The following SLC5A10 variants were observed in gnomAD, a reference collection of about 807,000 sequenced individuals.
SLC5A10 encodes sodium/mannose cotransporter SLC5A10.
A neutral mutation model predicts 68.9 loss-of-function variants in SLC5A10; 55 were observed. The ratio of observed to expected loss-of-function variants is 0.80; its 90% CI spans 0.64 to 1.00. The LOEUF is 1.00. SLC5A10 is among the 50% of genes least tolerant of loss of function. SLC5A10 has a pLI of 0.00. For missense variants in SLC5A10, 732 were observed against 819.3 expected, an observed-to-expected ratio of 0.89 and a Z score of 1.30; for synonymous variants, 344 against 344.8, an observed-to-expected ratio of 1.00 and a Z score of 0.02.
chr17:18,962,327 AAG>A (rs2042627769), intron 5 of SLC5A10, among the ~76,000 whole-genome samples: 1 of 151,942 alleles, frequency 6.6e-6, no homozygotes, highest in Non-Finnish European at 1.5e-5. Flanking sequence ...GCAAATGACA[AAG>A]AGAGAGGTGG....
rs547117185 is a variant in SLC5A10, at chr17:19,012,383, G to A, written c.983-1027G>A. ...GATCTGGCCTGAGCCTGGGAAATTC[G>A]TGAGTCCTTTCATTCAACAGATGAG... is the stretch of plus-strand genomic sequence containing the variant. On this transcript the variant is annotated intron_variant, in intron 9 of 14. Coordinates refer to ENST00000395645, the MANE Select transcript of SLC5A10 (RefSeq NM_001042450.4). Among the ~76,000 whole-genome samples the A allele has an allele frequency of 2.0e-5, 3 of 152,354 alleles. No individual in the cohort carries two copies. The East Asian group carries it at 5.8e-4, about 29-fold the overall frequency.
intron 5 of SLC5A10, among the ~76,000 whole-genome samples, chr17:18,964,111 C>T (rs1567780181): frequency 6.6e-6 from 1 of 152,200 alleles, no homozygotes; most frequent in Non-Finnish European, 1.5e-5. Flanking sequence ...ATCTTCACCC[C>T]CATCCCCGCA....
At position 18,971,285 on chromosome 17, in the gene SLC5A10, C is replaced by T. The variant is rs753987702; in HGVS notation, c.846+67C>T. 1.3e-5 allele frequency: 21 copies of T among 1,609,274 alleles called. No homozygotes were observed. Among genetic ancestry groups the T allele is most frequent in the East Asian group, 2.2e-5 (1 of 44,802 alleles). On this transcript the variant is annotated intron_variant, in intron 8 of 14. Transcript: ENST00000395645. This position sits in a 1 kb window ranked among gnomAD's most constrained non-coding sequence, Gnocchi z 5.5. ...CCCAGTGGGCTCTGGTAGGCCCAGG[C>T]GGCCTGTCTGCCCTCCGCGTCATGA...
At position 18,971,302 on chromosome 17, in the gene SLC5A10, G is replaced by A. The variant is rs1166657521; in HGVS notation, c.846+84G>A. 1.3e-5 allele frequency: 21 copies of A among 1,608,222 alleles called. No homozygotes were observed. Among genetic ancestry groups the A allele is most frequent in the East Asian group, 4.5e-5 (2 of 44,770 alleles). On this transcript the variant is annotated intron_variant, in intron 8 of 14. Coordinates refer to ENST00000395645, the MANE Select transcript of SLC5A10 (RefSeq NM_001042450.4). The surrounding 1 kb of genome is among the most constrained non-coding windows in gnomAD (Gnocchi z 5.5). The stretch of plus-strand genomic sequence containing the variant: ...GGCCCAGGCGGCCTGTCTGCCCTCC[G>A]CGTCATGAGTCTGGGCTGGGGCCTC...
chr17:18,966,902 G>A (rs1432876008), intron 5 of SLC5A10, among the ~76,000 whole-genome samples: 5 of 152,186 alleles, frequency 3.3e-5, no homozygotes, highest in Non-Finnish European at 7.3e-5. Flanking sequence ...AGGGTGGAGG[G>A]GCTGGGTGGC....
At chr17:18,978,270 G>C in intron 9 of SLC5A10, 2 of 1,609,618 alleles carry the variant, frequency 1.2e-6, no homozygotes, top group Non-Finnish European at 1.7e-6. Context: ...CTGCTGTCCT[G>C]GCTCTGCTTC....
intron 11 of SLC5A10, among the ~76,000 whole-genome samples, chr17:19,015,984 G>A (rs1270522348): frequency 6.6e-6 from 1 of 151,966 alleles, no homozygotes; most frequent in Non-Finnish European, 1.5e-5. Flanking sequence ...TGTACCCAAT[G>A]TGTAGTCTTT....
chr17:19,019,435 G>T lies in SLC5A10; in HGVS notation c.1254G>T (p.Val418=). ...ELLLVGRLVI[V]ALIGVSVAWI... ...CACTCGCCTGCAGGCTGGTCATAGT[G>T]GCACTCATCGGCGTGAGTGTGGCCT... Residue 418 remains valine (V), a synonymous_variant, in exon 12 of 15, where the codon GTG becomes GTT. Transcript: ENST00000395645. 6.2e-7 allele frequency: 1 copy of T among 1,610,630 alleles called. No homozygotes were observed.
intron 9 of SLC5A10, chr17:18,977,946 T>C (rs777664075): frequency 2.5e-6 from 4 of 1,604,760 alleles, no homozygotes; most frequent in Non-Finnish European, 3.4e-6. Context: ...TCCAGCCCAT[T>C]GGGGAGCCCC....
intron 8 of SLC5A10, among the ~76,000 whole-genome samples, chr17:18,973,305 G>A (rs1204235954): frequency 1.3e-5 from 2 of 152,264 alleles, no homozygotes; most frequent in East Asian, 1.9e-4. Flanking sequence ...ACATGTCCTG[G>A]CCTTGGGGTC....
chr17:18,999,193 G>A (rs1457030607), intron 9 of SLC5A10, among the ~76,000 whole-genome samples: 5 of 152,066 alleles, frequency 3.3e-5, no homozygotes, highest in Admixed American at 1.3e-4. Flanking sequence ...CAGGAGAATC[G>A]CTTGAACCCT....
At position 18,971,069 on chromosome 17, in the gene SLC5A10, C is replaced by A. The variant is rs1437044271; in HGVS notation, c.697C>A (p.Pro233Thr). The A allele has an allele frequency of 6.2e-7, 1 of 1,614,104 alleles. No individual in the cohort carries two copies. Among genetic ancestry groups the A allele is most frequent in the Non-Finnish European group, 8.5e-7 (1 of 1,180,034 alleles). Residue 233 changes from proline to threonine, a missense_variant, in exon 8 of 15, where the codon CCC (proline) becomes ACC (threonine). Coordinates refer to ENST00000395645, the MANE Select transcript of SLC5A10 (RefSeq NM_001042450.4). This position sits in a 1 kb window ranked among gnomAD's most constrained non-coding sequence, Gnocchi z 5.5. ...QLEAAYAQAI[P>T]SRTIANTTCH... ...GGAGGCAGCCTACGCCCAGGCCATTCCCTCCAGGACCATTGCCAACACCAC... is the reference window on the plus strand; with the variant it reads ...GGAGGCAGCCTACGCCCAGGCCATTACCTCCAGGACCATTGCCAACACCAC...
intron 1 of SLC5A10, 106 bp downstream of exon 1, chr17:18,952,422 T>A: frequency 7.2e-7 from 1 of 1,384,920 alleles, no homozygotes; most frequent in Non-Finnish European, 9.8e-7. Context: ...TGGTCCCAGC[T>A]GGTGGCCTAG....
Position 19,020,813 on chromosome 17 carries a change from C to T in SLC5A10, c.*382C>T, listed in dbSNP as rs2044251990. The T allele has an allele frequency of 2.3e-5, 5 of 213,296 alleles. No individual in the cohort carries two copies. The South Asian group carries it at 4.1e-4, about 18-fold the overall frequency. The allele number at this position is 213,296 out of a possible 1,614,324, so 13.2% of individuals were successfully genotyped here. A position where few individuals can be genotyped will look rare whatever the true frequency, so the allele number is the denominator to read the frequency against. On this transcript the variant is annotated 3_prime_UTR_variant, in exon 15 of 15. Coordinates refer to ENST00000395645, the MANE Select transcript of SLC5A10 (RefSeq NM_001042450.4). ...GGATGGAGGAAGAGCCCCACATGCCCAGAGCAAGGCCCCCCATTAAGGGAC... is the reference window on the plus strand; with the variant it reads ...GGATGGAGGAAGAGCCCCACATGCCTAGAGCAAGGCCCCCCATTAAGGGAC...
At chr17:18,988,329 A>G in intron 9 of SLC5A10, 1 of 1,614,224 alleles carries the variant, frequency 6.2e-7, no homozygotes, top group Non-Finnish European at 8.5e-7. Context: ...GATGATGTAC[A>G]CGGCCACTTT....
intron 9 of SLC5A10, among the ~76,000 whole-genome samples, chr17:18,990,640 C>A (rs956855720): frequency 6.6e-6 from 1 of 152,222 alleles, no homozygotes; most frequent in African/African-American, 2.4e-5. Flanking sequence ...GATCCAGGGA[C>A]CATCTGCTGT....
chr17:18,971,361 A>C lies in SLC5A10; in HGVS notation c.846+143A>C. 1 of 1,558,974 alleles carries C rather than the reference A, an allele frequency of 6.4e-7. No homozygotes were observed. On this transcript the variant is annotated intron_variant, in intron 8 of 14. Transcript: ENST00000395645. The surrounding 1 kb of genome is among the most constrained non-coding windows in gnomAD (Gnocchi z 5.5). ...TGGCTCCAGGCTGGGACATGCTGCT[A>C]GGGGTCTTTGCGGTCCCGGGGGGCT...
intron 9 of SLC5A10, among the ~76,000 whole-genome samples, chr17:18,994,012 G>A (rs375477331): frequency 3.1e-4 from 47 of 152,298 alleles, no homozygotes; most frequent in African/African-American, 1.1e-3. Flanking sequence ...TCCCTCTGGG[G>A]TGAACAGGCC....
chr17:18,960,792 A>T, intron 5 of SLC5A10, 140 bp downstream of exon 5: 2 of 846,696 alleles, frequency 2.4e-6, no homozygotes, highest in Non-Finnish European at 3.8e-6. Flanking sequence ...AGGGGCAATG[A>T]CTTGCCCAGG....
Sources: allele counts gnomAD v4.1 joint callset (sites outside exome capture counted in the v4.1 genomes callset), GRCh38; gene constraint gnomAD v4.1.1; non-coding constraint Gnocchi (gnomAD v3.1); transcripts MANE v1.5; gene names NCBI Gene and HGNC (gene_info 2026-07-23, HGNC 2026-07-21).